CACNB3: variants seen among roughly 807,000 people sequenced by gnomAD.
The protein encoded by CACNB3 is voltage-dependent L-type calcium channel subunit beta-3.
In CACNB3, 36 loss-of-function variants were observed where a neutral mutation model predicts 63.7. The ratio of observed to expected loss-of-function variants is 0.57; its 90% CI spans 0.43 to 0.75. The LOEUF (loss-of-function observed/expected upper bound fraction) is 0.75. Among genes scored for constraint, CACNB3 ranks in the 30% least tolerant of loss-of-function variants. The probability of loss-of-function intolerance (pLI) is 0.00; values close to 1 mark genes in which losing one functional copy is unlikely to be tolerated. For missense variants in CACNB3, 493 were observed against 648.6 expected (o/e 0.76, Z 2.61); for synonymous variants, 241 against 250.6 (o/e 0.96, Z 0.36).
At chr12:48,824,630 A>T in intron 4 of CACNB3, 39 bp from the exon 5 acceptor site, 1 of 1,508,728 alleles carries the variant, frequency 6.6e-7, no homozygotes, top group Non-Finnish European at 9.2e-7. Context: ...ACAGAGACAC[A>T]TTCTTCTCTC....
rs1286223377 is a variant in CACNB3, at chr12:48,825,172, G to A, written c.502G>A (p.Val168Ile). The A allele has an allele frequency of 1.9e-6, 3 of 1,613,996 alleles. No individual in the cohort carries two copies. In the African/African-American group the frequency reaches 4.0e-5, roughly 22 times the overall value. The change falls in exon 7 of 13, where the codon GTT becomes ATT. Residue 168 changes from valine (V) to isoleucine (I), a missense_variant. Physicochemically the swap from Val to Ile is conservative, Grantham distance 29. Transcript: ENST00000301050. The surrounding 1 kb of genome is among the most constrained non-coding windows in gnomAD (Gnocchi z 4.5). ...CATGTCCATTCTGCAGGCGGAACATGTTCCCCCATATGACGTGGTGCCCTC... is the reference window on the plus strand; with the variant it reads ...CATGTCCATTCTGCAGGCGGAACATATTCCCCCATATGACGTGGTGCCCTC... ...AKQKQKQAEH[V>I]PPYDVVPSMR... is the part of the protein sequence containing the mutation.
At chr12:48,822,370 A>C (rs1183573387) in intron 1 of CACNB3, among the ~76,000 whole-genome samples, 1 of 151,948 alleles carries the variant, frequency 6.6e-6, no homozygotes, top group Admixed American at 6.6e-5. Flanking sequence ...TTGAGGCTGA[A>C]CTCTGTGACC....
Position 48,818,997 on chromosome 12 carries a change from G to C in CACNB3, c.45+23G>C. The C allele has an allele frequency of 6.2e-7, 1 of 1,600,782 alleles. No individual in the cohort carries two copies. The highest frequency in any genetic ancestry group is 8.5e-7 in the Non-Finnish European group (1 of 1,173,690). ...GCGGTGAGTGCCCACGATGAGGGTG[G>C]GGGCGGGGAAGTTGGGGTGACACCT... On this transcript the variant is annotated intron_variant, in intron 1 of 12. Coordinates refer to ENST00000301050, the MANE Select transcript of CACNB3 (RefSeq NM_000725.4). The surrounding 1 kb of genome is among the most constrained non-coding windows in gnomAD (Gnocchi z 4.3).
chr12:48,826,551 A>G lies in CACNB3; in HGVS notation c.894+33A>G. On this transcript the variant is annotated intron_variant, in intron 10 of 12. Transcript: ENST00000301050. This position sits in a 1 kb window ranked among gnomAD's most constrained non-coding sequence, Gnocchi z 4.8. The stretch of plus-strand genomic sequence containing the variant: ...AGCTGGGCTCATGGAGGAGGCCCAC[A>G]GGGCTATCCTACTAGAATGTGGCAT... 1 of 1,612,046 alleles carries G rather than the reference A, an allele frequency of 6.2e-7. No individual in the cohort carries two copies. Among genetic ancestry groups the G allele is most frequent in the Non-Finnish European group, 8.5e-7 (1 of 1,178,748 alleles).
In CACNB3 at chr12:48,828,379, C is replaced by T. The variant is rs1938262031; in HGVS notation, c.*480C>T. The T allele has an allele frequency of 9.2e-6, 3 of 325,186 alleles. No homozygotes were observed. The highest frequency in any genetic ancestry group is 8.0e-5 in the Admixed American group (2 of 25,106). The allele number at this position is 325,186 out of a possible 1,614,324, so 20.1% of individuals were successfully genotyped here. A position where few individuals can be genotyped will look rare whatever the true frequency, so the allele number is the denominator to read the frequency against. Reference sequence around the variant, plus strand: ...GCATCCAGGGCCTCCAGTCACCTCACTGCCATACATTAGAAATGAGACAAT... The same window carrying T: ...GCATCCAGGGCCTCCAGTCACCTCATTGCCATACATTAGAAATGAGACAAT... On this transcript the variant is annotated 3_prime_UTR_variant, in exon 13 of 13. Transcript: ENST00000301050.
At chr12:48,814,584 C>A, upstream of CACNB3, 2 of 1,495,076 alleles carry the variant, frequency 1.3e-6, no homozygotes, top group Non-Finnish European at 1.8e-6. This position sits in a 1 kb window ranked among gnomAD's most constrained non-coding sequence, Gnocchi z 6.9. Flanking sequence ...CGGAAGGGCG[C>A]GGGTGTCTCG....
upstream of CACNB3, among the ~76,000 whole-genome samples, chr12:48,816,022 G>A (rs1047705339): frequency 1.3e-5 from 2 of 152,142 alleles, no homozygotes; most frequent in Non-Finnish European, 1.5e-5. Context: ...CTCCCCTAGC[G>A]CCTGTCCCTG....
At position 48,827,079 on chromosome 12, in the gene CACNB3, G is replaced by A. The variant is rs1304904834; in HGVS notation, c.1096G>A (p.Gly366Ser). 6.2e-7 allele frequency: 1 copy of A among 1,613,166 alleles called. No individual in the cohort carries two copies. The highest frequency in any genetic ancestry group is 1.3e-5 in the African/African-American group (1 of 74,900). ...YWRATHHPAPGPGLLGPPSAI... is the reference protein window; with the variant it reads ...YWRATHHPAPSPGLLGPPSAI... ...GCGGGCCACGCACCACCCAGCCCCT[G>A]GCCCCGGACTTCTGGGTCCTCCCAG... Residue 366 changes from glycine to serine, a missense_variant, in exon 12 of 13, where the codon GGC becomes AGC. Gly to Ser is a moderately conservative substitution (Grantham distance 56). Transcript: ENST00000301050.
Position 48,823,916 on chromosome 12 carries a change from TTCTCC to T in CACNB3, c.291+115_291+119del. On this transcript the variant is annotated intron_variant, in intron 3 of 12. Coordinates refer to ENST00000301050, the MANE Select transcript of CACNB3 (RefSeq NM_000725.4). This position sits in a 1 kb window ranked among gnomAD's most constrained non-coding sequence, Gnocchi z 4.2. Reference sequence around the variant, plus strand: ...TCTAATTCCCCAAGCTAATCAGCTCTTCTCCTTAACACACACCTGTCCACCCCTCA... The same window carrying T: ...TCTAATTCCCCAAGCTAATCAGCTCTTTAACACACACCTGTCCACCCCTCA... 1.2e-5 allele frequency: 17 copies of T among 1,388,986 alleles called. No individual in the cohort carries two copies. The highest frequency in any genetic ancestry group is 1.7e-5 in the Non-Finnish European group (17 of 1,003,060). 86.0% of individuals were successfully genotyped at this position (1,388,986 alleles called of 1,614,324 possible).
chr12:48,815,437 TG>T, upstream of CACNB3: 1 of 800,878 alleles, frequency 1.2e-6, no homozygotes, highest in Non-Finnish European at 1.9e-6. Flanking sequence ...GGAGAGAGGC[TG>T]GGCTGAAAGG....
intron 12 of CACNB3, 55 bp from the exon 13 acceptor site, chr12:48,827,530 A>G (rs1592194434): frequency 1.4e-6 from 2 of 1,479,690 alleles, no homozygotes; most frequent in African/African-American, 1.4e-5. Context: ...GCACCTCACC[A>G]GAAGACAAGG....
rs1239625738 is a variant in CACNB3 at position 48,823,766 on chromosome 12, T to A, written c.254T>A (p.Val85Asp). ...GAGTGCCCAGTCCAGGGCTCTGGAG[T>A]CAACTTTGAGGCCAAAGATTTTCTG... ...DEECPVQGSG[V>D]NFEAKDFLHI... The change falls in exon 3 of 13, where the codon GTC becomes GAC. Residue 85 changes from valine (V) to aspartate (D), a missense_variant. Transcript: ENST00000301050. This position sits in a 1 kb window ranked among gnomAD's most constrained non-coding sequence, Gnocchi z 4.2. 6.2e-7 allele frequency: 1 copy of A among 1,613,878 alleles called. No homozygotes were observed. The highest frequency in any genetic ancestry group is 8.5e-7 in the Non-Finnish European group (1 of 1,179,972).
chr12:48,814,650 G>A, upstream of CACNB3: 1 of 1,272,586 alleles, frequency 7.9e-7, no homozygotes, highest in Non-Finnish European at 1.1e-6. The surrounding 1 kb of genome is among the most constrained non-coding windows in gnomAD (Gnocchi z 6.9). Context: ...TCCTACTGGG[G>A]GTCTCGAGCT....
At chr12:48,819,574 G>A in intron 1 of CACNB3, 1 of 397,276 alleles carries the variant, frequency 2.5e-6, no homozygotes, top group Non-Finnish European at 5.1e-6. Flanking sequence ...TCTCTCCCAG[G>A]CTGAAACCTG....
At chr12:48,815,462 A>T (rs1201618159), upstream of CACNB3, 1 of 1,062,480 alleles carries the variant, frequency 9.4e-7, no homozygotes, top group Non-Finnish European at 1.3e-6. Context: ...GGAGAGCCAG[A>T]GACTGACAGA....
At chr12:48,815,557 G>C (rs150857355), upstream of CACNB3, 31,778 of 1,507,000 alleles carry the variant, frequency 0.021, 394 homozygotes, top group South Asian at 0.03. Context: ...GGGAGCAGGC[G>C]GCGGAGCCCG....
In CACNB3 at chr12:48,827,806, C is replaced by CTTTCT; in HGVS notation, c.1362_1363insTTTCT (p.Pro455PhefsTer8). ...GGCTGCCTAGTGCTAACGGGCATGA[C>CTTTCT]CCCCAAGACCGGCTTCTAGCCCAGG... On this transcript the variant is annotated frameshift_variant, in exon 13 of 13. Coordinates refer to ENST00000301050, the MANE Select transcript of CACNB3 (RefSeq NM_000725.4). LOFTEE classifies it high-confidence loss of function. 1 of 1,614,160 alleles carries CTTTCT rather than the reference C, an allele frequency of 6.2e-7. No individual in the cohort carries two copies.
At chr12:48,815,521 G>A, upstream of CACNB3, 1 of 1,455,348 alleles carries the variant, frequency 6.9e-7, no homozygotes, top group Non-Finnish European at 9.1e-7. Flanking sequence ...GGAGGAGAAA[G>A]AGGGAGGGAA....
In CACNB3 at chr12:48,825,853, G is replaced by C. The variant is rs576570779; in HGVS notation, c.742+84G>C. On this transcript the variant is annotated intron_variant, in intron 9 of 12. Coordinates refer to ENST00000301050, the MANE Select transcript of CACNB3 (RefSeq NM_000725.4). This position sits in a 1 kb window ranked among gnomAD's most constrained non-coding sequence, Gnocchi z 4.5. ...CCTCCCTTTTCTTTTTTTTGAGATG[G>C]AGTCTCGCTCTGTCACCTAGGCTGG... is the stretch of plus-strand genomic sequence containing the variant. 2 of 928,932 alleles carry C rather than the reference G, an allele frequency of 2.2e-6. No individual in the cohort carries two copies. Among genetic ancestry groups the C allele is most frequent in the Non-Finnish European group, 3.4e-6 (2 of 596,336 alleles). 57.5% of individuals were successfully genotyped at this position (928,932 alleles called of 1,614,324 possible). A position where few individuals can be genotyped will look rare whatever the true frequency, so the allele number is the denominator to read the frequency against.
Sources: allele counts gnomAD v4.1 joint callset (sites outside exome capture counted in the v4.1 genomes callset), GRCh38; gene constraint gnomAD v4.1.1; non-coding constraint Gnocchi (gnomAD v3.1); transcripts MANE v1.5; gene names NCBI Gene and HGNC (gene_info 2026-07-23, HGNC 2026-07-21).